RASSF3: variants seen among roughly 807,000 people sequenced by gnomAD.
The protein encoded by RASSF3 is ras association domain-containing protein 3.
A neutral mutation model predicts 19.9 loss-of-function variants in RASSF3; 19 were observed. The ratio of observed to expected loss-of-function variants is 0.96; its 90% CI spans 0.67 to 1.40. The LOEUF (loss-of-function observed/expected upper bound fraction) is 1.40. Among genes scored for constraint, RASSF3 ranks in the 40% most tolerant of loss-of-function variants. The pLI is 0.00. For missense variants in RASSF3, 306 were observed against 289.8 expected (o/e 1.06, Z -0.41); for synonymous variants, 110 against 104.2 (o/e 1.06, Z -0.34).
chr12:64,649,980 T>G (rs541399514), intron 1 of RASSF3, among the ~76,000 whole-genome samples: 3 of 152,368 alleles, frequency 2.0e-5, no homozygotes. Context: ...AGAGCCTTTG[T>G]TATGATTCCC....
At chr12:64,563,207 C>T (rs1869376876) in intron 2 of RASSF3, among the ~76,000 whole-genome samples, 1 of 150,270 alleles carries the variant, frequency 6.7e-6, no homozygotes, top group Admixed American at 6.7e-5. Flanking sequence ...ATTCTTGTTG[C>T]CCAGGCTGGA....
intron 2 of RASSF3, among the ~76,000 whole-genome samples, chr12:64,589,082 T>C (rs779794192): frequency 4.6e-5 from 7 of 152,208 alleles, no homozygotes; most frequent in Non-Finnish European, 1.0e-4. Flanking sequence ...TAACACCAAA[T>C]ATGCTACATA....
intron 1 of RASSF3, among the ~76,000 whole-genome samples, chr12:64,639,557 G>A (rs773038194): frequency 6.6e-6 from 1 of 152,102 alleles, no homozygotes; most frequent in African/African-American, 2.4e-5. Flanking sequence ...CCTTAATTAC[G>A]AAGAATGGCA....
chr12:64,689,740 A>G (rs181238950), intron 3 of RASSF3, among the ~76,000 whole-genome samples: 9 of 147,754 alleles, frequency 6.1e-5, no homozygotes, highest in Non-Finnish European at 1.2e-4. Flanking sequence ...GCTTGAAGCT[A>G]CCGGAGCTTA....
chr12:64,677,082 A>T (rs1307847895), intron 1 of RASSF3, among the ~76,000 whole-genome samples: 1 of 152,176 alleles, frequency 6.6e-6, no homozygotes. Flanking sequence ...GTATTGCTCT[A>T]GAACATCCTG....
intron 2 of RASSF3, among the ~76,000 whole-genome samples, chr12:64,596,205 T>A (rs1869997096): frequency 6.6e-6 from 1 of 152,248 alleles, no homozygotes. Flanking sequence ...AAGCATAAAA[T>A]GGACATTTTC....
At chr12:64,655,235 AG>A (rs1306432985) in intron 1 of RASSF3, among the ~76,000 whole-genome samples, 1 of 152,224 alleles carries the variant, frequency 6.6e-6, no homozygotes, top group Non-Finnish European at 1.5e-5. Context: ...ACCTTTTTGA[AG>A]GCCTGTGATA....
chr12:64,603,898 A>C (rs1870137904), intron 2 of RASSF3, among the ~76,000 whole-genome samples: 1 of 151,510 alleles, frequency 6.6e-6, no homozygotes, highest in South Asian at 2.1e-4. Context: ...GCCAGGCTGG[A>C]GTGCAGTGGC....
At chr12:64,665,581 C>G (rs1271828985) in intron 1 of RASSF3, among the ~76,000 whole-genome samples, 1 of 152,160 alleles carries the variant, frequency 6.6e-6, no homozygotes, top group Non-Finnish European at 1.5e-5. Flanking sequence ...AGTGCCATGT[C>G]AGTTTACCAT....
chr12:64,508,272 T>A (rs1187511700), intron 1 of RASSF3, among the ~76,000 whole-genome samples: 1 of 152,166 alleles, frequency 6.6e-6, no homozygotes, highest in East Asian at 1.9e-4. Context: ...CTCAGCACTT[T>A]GGGAGGCCGA....
intron 1 of RASSF3, among the ~76,000 whole-genome samples, chr12:64,655,800 G>C (rs1488090197): frequency 1.6e-4 from 25 of 152,166 alleles, no homozygotes; most frequent in Non-Finnish European, 3.4e-4. Context: ...GCCGAGGCGG[G>C]CGGATCACGT....
chr12:64,535,669 A>G (rs1336435808), intron 1 of RASSF3, among the ~76,000 whole-genome samples: 1 of 146,570 alleles, frequency 6.8e-6, no homozygotes, highest in East Asian at 2.0e-4. Flanking sequence ...GTGTCTGGAC[A>G]TGCATAGGTT....
At chr12:64,689,913 G>T (rs926891086) in intron 3 of RASSF3, among the ~76,000 whole-genome samples, 1 of 144,942 alleles carries the variant, frequency 6.9e-6, no homozygotes, top group African/African-American at 2.6e-5. Context: ...TCAGCCTCCC[G>T]AGTAGCTGGG....
At chr12:64,686,936 A>G (rs1873379276) in intron 2 of RASSF3, among the ~76,000 whole-genome samples, 1 of 152,384 alleles carries the variant, frequency 6.6e-6, no homozygotes, top group East Asian at 1.9e-4. Flanking sequence ...TGTGGCATTT[A>G]TATGTAACAC....
At chr12:64,591,542 A>G (rs1270446591) in intron 2 of RASSF3, among the ~76,000 whole-genome samples, 1 of 151,930 alleles carries the variant, frequency 6.6e-6, no homozygotes, top group Admixed American at 6.6e-5. Context: ...AGCAGTTGTC[A>G]AGATTTTGCC....
chr12:64,591,093 A>G (rs1299949074), intron 2 of RASSF3, among the ~76,000 whole-genome samples: 1 of 152,106 alleles, frequency 6.6e-6, no homozygotes. Context: ...GTCCCACCTG[A>G]TTTTGTGTTA....
intron 1 of RASSF3, among the ~76,000 whole-genome samples, chr12:64,616,477 C>T (rs1870555275): frequency 1.3e-5 from 2 of 152,306 alleles, no homozygotes; most frequent in East Asian, 3.9e-4. Context: ...CATTAGCCCT[C>T]GCATTTTCCA....
intron 1 of RASSF3, among the ~76,000 whole-genome samples, chr12:64,509,226 G>T (rs1868312235): frequency 1.3e-5 from 2 of 152,154 alleles, no homozygotes; most frequent in South Asian, 4.1e-4. Flanking sequence ...AAGGTGGGTG[G>T]ATCACTTGAG....
chr12:64,522,869 A>C (rs931402848), intron 1 of RASSF3, among the ~76,000 whole-genome samples: 1 of 152,158 alleles, frequency 6.6e-6, no homozygotes, highest in African/African-American at 2.4e-5. Context: ...AAAGGTGGGG[A>C]AAAGTGTATC....
Sources: gnomAD v4.1 joint callset for allele counts (sites outside exome capture counted in the v4.1 genomes callset) on GRCh38, gnomAD v4.1.1 for gene constraint, MANE v1.5 for transcripts, NCBI Gene and HGNC (gene_info 2026-07-23, HGNC 2026-07-21) for gene names.